UBP1: variants seen among roughly 807,000 people sequenced by gnomAD.
UBP1 encodes upstream-binding protein 1.
In UBP1, 22 loss-of-function variants were observed where a neutral mutation model predicts 76.1. The ratio of observed to expected loss-of-function variants is 0.29; its 90% CI spans 0.21 to 0.41. UBP1 has a LOEUF of 0.41. Among genes scored for constraint, UBP1 ranks in the 10% least tolerant of loss-of-function variants. UBP1 has a pLI of 1.00. For missense variants in UBP1, 436 were observed against 668.1 expected (o/e 0.65, Z 3.83); for synonymous variants, 224 against 237.1 (o/e 0.94, Z 0.51).
intron 2 of UBP1, among the ~76,000 whole-genome samples, chr3:33,417,756 A>T (rs1022822585): frequency 5.9e-5 from 9 of 152,248 alleles, no homozygotes; most frequent in African/African-American, 2.2e-4. Flanking sequence ...AAAATCAGTA[A>T]AAATTAAAGA....
chr3:33,393,396 C>G lies in UBP1; in HGVS notation c.1449G>C (p.Ala483=), dbSNP rs200981129. ...MIASEVARKL[A]LVFNIPLHQI... Reference sequence around the variant, plus strand: ...GGTGGAGAGGGATATTAAACACCAGCGCAAGTTTTCGAGCAACTTCTGAGG... The same window carrying G: ...GGTGGAGAGGGATATTAAACACCAGGGCAAGTTTTCGAGCAACTTCTGAGG... The change falls in exon 14 of 16, where the codon GCG becomes GCC. Residue 483 remains alanine, a synonymous_variant. Transcript: ENST00000283629. 1.6e-5 allele frequency: 26 copies of G among 1,613,124 alleles called. No individual in the cohort carries two copies. In the East Asian group the frequency reaches 5.6e-4, roughly 35 times the overall value.
chr3:33,409,115 GAAT>G lies in UBP1; in HGVS notation c.819+118_819+120del, dbSNP rs2044505683. On this transcript the variant is annotated intron_variant, in intron 7 of 15. Transcript: ENST00000283629. ...ATATTTTCCCCAGAAATTTCACAGA[GAAT>G]AACATGTCAAACTGCCACCCAATCT... The G allele has an allele frequency of 3.2e-6, 3 of 952,106 alleles. No homozygotes were observed. In the African/African-American group the frequency reaches 4.9e-5, roughly 16 times the overall value. The allele number at this position is 952,106 out of a possible 1,614,324, so 59.0% of individuals were successfully genotyped here. A position where few individuals can be genotyped will look rare whatever the true frequency, so the allele number is the denominator to read the frequency against.
chr3:33,422,109 TGC>T (rs2044910935), intron 2 of UBP1, among the ~76,000 whole-genome samples: 3 of 152,140 alleles, frequency 2.0e-5, no homozygotes, highest in Admixed American at 1.3e-4. Context: ...GAAGATACTT[TGC>T]TAGTCTGGAT....
At chr3:33,436,121 A>T (rs2045200916) in intron 1 of UBP1, among the ~76,000 whole-genome samples, 1 of 152,084 alleles carries the variant, frequency 6.6e-6, no homozygotes, top group African/African-American at 2.4e-5. Context: ...TATAACATTA[A>T]TTTTTTTTAA....
intron 8 of UBP1, among the ~76,000 whole-genome samples, chr3:33,407,055 A>G (rs2044446237): frequency 6.6e-6 from 1 of 152,210 alleles, no homozygotes; most frequent in South Asian, 2.1e-4. Context: ...TAGGAGTTTG[A>G]AGAAACATAT....
intron 15 of UBP1, chr3:33,391,489 C>G (rs2154054155): frequency 6.6e-6 from 1 of 152,324 alleles, no homozygotes; most frequent in South Asian, 2.1e-4. Flanking sequence ...AAATTTACAT[C>G]TCAAGCCCAG....
At chr3:33,403,326 G>A (rs568438185) in intron 8 of UBP1, 2 of 237,002 alleles carry the variant, frequency 8.4e-6, no homozygotes, top group Admixed American at 5.3e-5. Flanking sequence ...CCTGAAACAT[G>A]GCTCTGACCT....
chr3:33,421,639 A>C (rs2044896903), intron 2 of UBP1, among the ~76,000 whole-genome samples: 1 of 152,252 alleles, frequency 6.6e-6, no homozygotes, highest in Admixed American at 6.5e-5. Flanking sequence ...TGACACTAAG[A>C]CATCAATACA....
intron 9 of UBP1, among the ~76,000 whole-genome samples, chr3:33,402,318 A>G (rs142608542): frequency 1.1e-4 from 16 of 152,348 alleles, no homozygotes; most frequent in African/African-American, 3.6e-4. Context: ...TTCCATTTCT[A>G]AAACCACAGC....
intron 2 of UBP1, among the ~76,000 whole-genome samples, chr3:33,418,997 C>T (rs2154058468): frequency 6.6e-6 from 1 of 152,110 alleles, no homozygotes; most frequent in South Asian, 2.1e-4. Context: ...AGACAACTTC[C>T]ATTAGAGAAA....
intron 1 of UBP1, among the ~76,000 whole-genome samples, chr3:33,435,477 T>C (rs1575493939): frequency 6.6e-6 from 1 of 152,100 alleles, no homozygotes; most frequent in Non-Finnish European, 1.5e-5. Flanking sequence ...CTACTAAAAA[T>C]AAAAATTTAA....
At chr3:33,438,125 T>A (rs904791008) in intron 1 of UBP1, among the ~76,000 whole-genome samples, 2 of 152,158 alleles carry the variant, frequency 1.3e-5, no homozygotes, top group African/African-American at 2.4e-5. Context: ...TTTAAAATCA[T>A]CAAGATTGTA....
intron 3 of UBP1, among the ~76,000 whole-genome samples, chr3:33,416,448 A>G (rs1188259046): frequency 1.3e-5 from 2 of 152,226 alleles, no homozygotes; most frequent in East Asian, 1.9e-4. Context: ...TTTTATGCCA[A>G]CATTGACATT....
chr3:33,433,377 A>T (rs1446022392), intron 1 of UBP1, among the ~76,000 whole-genome samples: 1 of 150,880 alleles, frequency 6.6e-6, no homozygotes, highest in Non-Finnish European at 1.5e-5. Flanking sequence ...AAAAAAAAAA[A>T]AAAAAAAAAA....
chr3:33,433,117 G>A (rs2045141204), intron 1 of UBP1, among the ~76,000 whole-genome samples: 1 of 151,306 alleles, frequency 6.6e-6, no homozygotes, highest in African/African-American at 2.4e-5. Context: ...CTGGAATGCA[G>A]TGGCGCGATC....
chr3:33,439,953 G>A lies in UBP1; in HGVS notation c.-105C>T. 8 of 1,279,698 alleles carry A rather than the reference G, an allele frequency of 6.3e-6. No individual in the cohort carries two copies. Among genetic ancestry groups the A allele is most frequent in the Non-Finnish European group, 8.6e-6 (8 of 929,238 alleles). 79.3% of individuals were successfully genotyped at this position (1,279,698 alleles called of 1,614,324 possible). A position where few individuals can be genotyped will look rare whatever the true frequency, so the allele number is the denominator to read the frequency against. On this transcript the variant is annotated 5_prime_UTR_variant, in exon 1 of 16. Transcript: ENST00000283629. ...GGGGGAGGGCGCGGGTGAAGCCTCC[G>A]GAGGGGCGGCGAGTGGTCACCAGCG... is the stretch of plus-strand genomic sequence containing the variant.
Position 33,409,222 on chromosome 3 carries a change from C to G in UBP1, c.819+14G>C. 6.2e-7 allele frequency: 1 copy of G among 1,611,998 alleles called. No homozygotes were observed. Among genetic ancestry groups the G allele is most frequent in the Non-Finnish European group, 8.5e-7 (1 of 1,178,796 alleles). On this transcript the variant is annotated intron_variant, in intron 7 of 15. Coordinates refer to ENST00000283629, the MANE Select transcript of UBP1 (RefSeq NM_014517.5). The stretch of plus-strand genomic sequence containing the variant: ...TTTGCTTCTCTTCCAAAACCAAATG[C>G]TTTACTACATTACCTCTGTGAGGAT...
chr3:33,438,481 T>C (rs2045236027), intron 1 of UBP1, among the ~76,000 whole-genome samples: 1 of 152,196 alleles, frequency 6.6e-6, no homozygotes, highest in Non-Finnish European at 1.5e-5. Flanking sequence ...TGACTTTCAG[T>C]AGCTCAATTT....
intron 8 of UBP1, among the ~76,000 whole-genome samples, chr3:33,407,440 T>A (rs2044457126): frequency 1.3e-5 from 2 of 151,760 alleles, no homozygotes; most frequent in South Asian, 4.1e-4. Flanking sequence ...GAACCATTGG[T>A]GGGTCTTCAG....
Sources: allele counts gnomAD v4.1 joint callset (sites outside exome capture counted in the v4.1 genomes callset), GRCh38; gene constraint gnomAD v4.1.1; transcripts MANE v1.5; gene names NCBI Gene and HGNC (gene_info 2026-07-23, HGNC 2026-07-21).